The following FOXP2 variants were observed in gnomAD, a reference collection of about 807,000 sequenced individuals.
The protein encoded by FOXP2 is forkhead box P2.
Under a neutral mutation model 115.8 loss-of-function variants are expected in FOXP2, and 12 were observed. That is an observed-to-expected ratio of 0.10 (90% confidence interval 0.07 to 0.17). The LOEUF (loss-of-function observed/expected upper bound fraction) is 0.17, where lower values mean the gene tolerates loss of function less well. Ranked by LOEUF, FOXP2 falls within the 10% of genes least tolerant of loss-of-function variation. FOXP2 has a pLI of 1.00. For missense variants in FOXP2, 629 were observed against 843.5 expected, an observed-to-expected ratio of 0.75 and a Z score of 3.15; for synonymous variants, 328 against 297.7, an observed-to-expected ratio of 1.10 and a Z score of -1.05.
chr7:114,390,342 T>TC (rs1473691524), intron 2 of FOXP2, among the ~76,000 whole-genome samples: 1 of 152,018 alleles, frequency 6.6e-6, no homozygotes, highest in African/African-American at 2.4e-5. Context: ...AAACTGGTGC[T>TC]CAGGAGCAGA....
At chr7:114,658,755 G>A (rs190970602) in intron 11 of FOXP2, among the ~76,000 whole-genome samples, 129 of 152,260 alleles carry the variant, frequency 8.5e-4, no homozygotes, top group Non-Finnish European at 1.5e-3. Flanking sequence ...CATTGTGAGA[G>A]GCAAACTTTG....
At chr7:114,161,584 A>G (rs1792832803), upstream of FOXP2, among the ~76,000 whole-genome samples, 2 of 151,168 alleles carry the variant, frequency 1.3e-5, no homozygotes, top group South Asian at 4.2e-4. Context: ...TAAGTTTATG[A>G]GCAAAAACTA....
chr7:114,584,553 T>G (rs536203694), intron 3 of FOXP2, among the ~76,000 whole-genome samples: 30 of 152,354 alleles, frequency 2.0e-4, no homozygotes, highest in African/African-American at 7.0e-4. Flanking sequence ...TTTGTCAGTC[T>G]AAACACTTAC....
chr7:114,147,507 A>C (rs1237392352), intron 1 of FOXP2, among the ~76,000 whole-genome samples: 1 of 152,146 alleles, frequency 6.6e-6, no homozygotes, highest in African/African-American at 2.4e-5. Flanking sequence ...CCAGAGAAGC[A>C]AGCTTAGGCT....
intron 2 of FOXP2, among the ~76,000 whole-genome samples, chr7:114,529,214 T>C (rs1003636642): frequency 6.6e-6 from 1 of 151,808 alleles, no homozygotes; most frequent in African/African-American, 2.4e-5. Flanking sequence ...AAAAACAAAA[T>C]CTGTCTTAGA....
intron 2 of FOXP2, among the ~76,000 whole-genome samples, chr7:114,492,609 G>T (rs1797118950): frequency 1.3e-5 from 2 of 151,892 alleles, no homozygotes; most frequent in Admixed American, 6.6e-5. Context: ...CTGGTATGTT[G>T]TGTCTTTGTT....
intron 2 of FOXP2, among the ~76,000 whole-genome samples, chr7:114,466,699 A>G (rs1795812700): frequency 1.3e-5 from 2 of 152,192 alleles, no homozygotes; most frequent in African/African-American, 4.8e-5. Flanking sequence ...TTGAAACTCC[A>G]GTCAGCTTTT....
chr7:114,498,810 A>G, intron 2 of FOXP2: 1 of 716,994 alleles, frequency 1.4e-6, no homozygotes, highest in South Asian at 1.5e-5. Flanking sequence ...GGTATATGTC[A>G]GGATGATTTC....
intron 3 of FOXP2, among the ~76,000 whole-genome samples, chr7:114,592,580 C>G (rs1050464855): frequency 9.2e-5 from 14 of 151,874 alleles, no homozygotes; most frequent in Admixed American, 3.3e-4. Flanking sequence ...AATATTGCCC[C>G]CCTTTCTTGA....
intron 1 of FOXP2, among the ~76,000 whole-genome samples, chr7:114,187,517 A>G (rs1284926377): frequency 6.6e-6 from 1 of 152,090 alleles, no homozygotes; most frequent in African/African-American, 2.4e-5. Context: ...ACAACCACTT[A>G]TCTCTAGGCA....
At chr7:114,197,618 G>C (rs1793945488) in intron 1 of FOXP2, among the ~76,000 whole-genome samples, 1 of 152,110 alleles carries the variant, frequency 6.6e-6, no homozygotes, top group African/African-American at 2.4e-5. Context: ...CAGAAGTCCA[G>C]TTTTCATTGA....
intron 2 of FOXP2, among the ~76,000 whole-genome samples, chr7:114,355,527 A>G (rs1056146749): frequency 2.6e-5 from 4 of 152,150 alleles, no homozygotes; most frequent in Admixed American, 6.5e-5. Flanking sequence ...CCTGTTTTCT[A>G]TGGCTCAGAT....
At chr7:114,678,028 A>G (rs756417788) in intron 16 of FOXP2, among the ~76,000 whole-genome samples, 14 of 152,216 alleles carry the variant, frequency 9.2e-5, no homozygotes, top group Non-Finnish European at 1.6e-4. Context: ...GTTGCAAACA[A>G]ATTGTGAAGT....
intron 2 of FOXP2, among the ~76,000 whole-genome samples, chr7:114,520,520 T>A (rs1384908196): frequency 6.6e-6 from 1 of 152,106 alleles, no homozygotes; most frequent in Non-Finnish European, 1.5e-5. Flanking sequence ...AAAAGTTACA[T>A]TAATAAATAT....
At chr7:114,291,375 T>A (rs181324251) in intron 2 of FOXP2, among the ~76,000 whole-genome samples, 2 of 151,892 alleles carry the variant, frequency 1.3e-5, no homozygotes, top group Admixed American at 1.3e-4. Context: ...CATTGCGGGG[T>A]AGGATTTTAA....
At chr7:114,626,553 G>GTC (rs140501495) in intron 3 of FOXP2, among the ~76,000 whole-genome samples, 1 of 135,906 alleles carries the variant, frequency 7.4e-6, no homozygotes, top group Non-Finnish European at 1.7e-5. Context: ...CTCTCTCTCT[G>GTC]TCTCTCTCTC....
At position 114,498,509 on chromosome 7, in the gene FOXP2, CTA is replaced by C. The variant is rs1357808571; in HGVS notation, c.169-36106_169-36105del. ...AATACAAACACTGGAAAATAGGAAA[CTA>C]TTAACTTTAAAGAGCCATATAAGGT... On this transcript the variant is annotated intron_variant, in intron 2 of 16. Transcript: ENST00000350908. Among the ~76,000 whole-genome samples the C allele has an allele frequency of 3.9e-5, 6 of 152,094 alleles. No homozygotes were observed. In the East Asian group the frequency reaches 9.7e-4, roughly 24 times the overall value.
intron 2 of FOXP2, among the ~76,000 whole-genome samples, chr7:114,339,941 A>G (rs1015504009): frequency 1.3e-5 from 2 of 151,178 alleles, no homozygotes; most frequent in African/African-American, 4.8e-5. Context: ...ATGTTTCTGC[A>G]GTAGTTTGCT....
chr7:114,180,623 A>G (rs1253150692), intron 1 of FOXP2, among the ~76,000 whole-genome samples: 1 of 152,010 alleles, frequency 6.6e-6, no homozygotes, highest in African/African-American at 2.4e-5. Flanking sequence ...TGCTTCTCTT[A>G]TGATATGTTC....
Sources: gnomAD v4.1 joint callset for allele counts (sites outside exome capture counted in the v4.1 genomes callset) on GRCh38, gnomAD v4.1.1 for gene constraint, MANE v1.5 for transcripts, NCBI Gene and HGNC (gene_info 2026-07-23, HGNC 2026-07-21) for gene names.